GATAD2B: variants seen among roughly 807,000 people sequenced by gnomAD.
The protein encoded by GATAD2B is GATA zinc finger domain containing 2B.
A neutral mutation model predicts 64.3 loss-of-function variants in GATAD2B; 8 were observed. The observed-to-expected ratio is 0.12, with a 90% CI of 0.07 to 0.22. GATAD2B has a LOEUF of 0.22. Ranked by LOEUF, GATAD2B falls within the 10% of genes least tolerant of loss-of-function variation. GATAD2B has a pLI of 1.00. For synonymous variants in GATAD2B, 281 were observed against 271.3 expected, an observed-to-expected ratio of 1.04 and a Z score of -0.35; for missense variants, 453 against 752.0, an observed-to-expected ratio of 0.60 and a Z score of 4.65.
intron 1 of GATAD2B, among the ~76,000 whole-genome samples, chr1:153,916,142 G>A (rs561188353): frequency 1.1e-4 from 17 of 152,008 alleles, no homozygotes; most frequent in African/African-American, 4.1e-4. Context: ...TTATCTGGGT[G>A]TAGTGGCAGA....
At chr1:153,888,759 T>C (rs1300022831) in intron 1 of GATAD2B, among the ~76,000 whole-genome samples, 16 of 152,208 alleles carry the variant, frequency 1.1e-4, no homozygotes, top group Admixed American at 1.0e-3. Context: ...TTACTAAGTA[T>C]CTAAGTGTCT....
intron 1 of GATAD2B, chr1:153,853,252 C>T (rs763083025): frequency 3.7e-5 from 38 of 1,020,930 alleles, no homozygotes; most frequent in Non-Finnish European, 5.7e-5. Context: ...TGATGGTCTT[C>T]ACACCCTTCC....
chr1:153,909,783 C>CAA (rs35951173), intron 1 of GATAD2B, among the ~76,000 whole-genome samples: 190 of 133,526 alleles, frequency 1.4e-3, no homozygotes, highest in South Asian at 5.6e-3. Context: ...ACTAAAAATA[C>CAA]AAAAAAAAAA....
At chr1:153,911,745 A>C (rs965669835) in intron 1 of GATAD2B, among the ~76,000 whole-genome samples, 2 of 147,960 alleles carry the variant, frequency 1.4e-5, no homozygotes, top group Admixed American at 6.7e-5. Flanking sequence ...TCAAAAAAAA[A>C]CAAAAAACAA....
intron 1 of GATAD2B, among the ~76,000 whole-genome samples, chr1:153,872,229 G>C (rs573285389): frequency 1.4e-5 from 2 of 143,282 alleles, no homozygotes; most frequent in Admixed American, 1.5e-4. Context: ...TGAGGCAGGA[G>C]AATCACTTGA....
At chr1:153,839,218 C>A (rs187889359) in intron 1 of GATAD2B, among the ~76,000 whole-genome samples, 2 of 151,812 alleles carry the variant, frequency 1.3e-5, no homozygotes, top group East Asian at 3.9e-4. Context: ...CTGTTGGACT[C>A]CTATAAGAAA....
intron 1 of GATAD2B, among the ~76,000 whole-genome samples, chr1:153,846,817 C>T (rs1336402317): frequency 6.6e-6 from 1 of 151,908 alleles, no homozygotes; most frequent in Non-Finnish European, 1.5e-5. Context: ...CTGCGGCCTC[C>T]CCAAGTGCTG....
intron 1 of GATAD2B, among the ~76,000 whole-genome samples, chr1:153,908,799 A>AAAG (rs1553199473): frequency 1.3e-3 from 198 of 149,564 alleles, no homozygotes; most frequent in African/African-American, 4.7e-3. Context: ...AAAAAAAAAA[A>AAAG]AAAGAAAGAA....
At chr1:153,820,590 A>G (rs1674642906) in intron 2 of GATAD2B, among the ~76,000 whole-genome samples, 1 of 152,104 alleles carries the variant, frequency 6.6e-6, no homozygotes, top group Non-Finnish European at 1.5e-5. Context: ...TTGTCAGCGT[A>G]GTTGGTAGTA....
At chr1:153,881,458 C>T (rs1362750351) in intron 1 of GATAD2B, among the ~76,000 whole-genome samples, 1 of 152,126 alleles carries the variant, frequency 6.6e-6, no homozygotes, top group African/African-American at 2.4e-5. Context: ...AGATCCAAAC[C>T]GAAAGGAGCT....
intron 8 of GATAD2B, 57 bp from the exon 9 acceptor site, chr1:153,812,189 C>CG (rs1674315495): frequency 5.4e-6 from 4 of 741,040 alleles, no homozygotes; most frequent in East Asian, 2.7e-5. Flanking sequence ...TACCCAATTT[C>CG]CTTTTTTTTT....
At chr1:153,861,571 T>C (rs2101920529) in intron 1 of GATAD2B, among the ~76,000 whole-genome samples, 2 of 150,198 alleles carry the variant, frequency 1.3e-5, no homozygotes, top group African/African-American at 2.4e-5. Flanking sequence ...ATCACGAGGT[T>C]AGGAGTTCGA....
rs138613422 is a variant in GATAD2B, at chr1:153,880,793, G to A, written c.-2+41940C>T. Among the ~76,000 whole-genome samples the A allele has an allele frequency of 1.7e-4, 26 of 151,218 alleles. No individual in the cohort carries two copies. The East Asian group carries it at 4.3e-3, about 25-fold the overall frequency. On this transcript the variant is annotated intron_variant, in intron 1 of 10. Transcript: ENST00000368655. ...CAGGAGGTCAAGGTTGCAGTGAGCC[G>A]TGATCACATCACTGCACTCCAGCTT...
Position 153,898,320 on chromosome 1 carries a change from A to G in GATAD2B, c.-2+24413T>C, listed in dbSNP as rs1204629441. Among the ~76,000 whole-genome samples, 6 of 144,248 alleles carry G rather than the reference A, an allele frequency of 4.2e-5. No individual in the cohort carries two copies. In the East Asian group the frequency reaches 7.7e-4, roughly 19 times the overall value. 94.6% of individuals were successfully genotyped at this position (144,248 alleles called of 152,430 possible). A position where few individuals can be genotyped will look rare whatever the true frequency, so the allele number is the denominator to read the frequency against. On this transcript the variant is annotated intron_variant, in intron 1 of 10. Coordinates refer to ENST00000368655, the MANE Select transcript of GATAD2B (RefSeq NM_020699.4). ...ACAGCCTGTCTCAAAAAAAAAAAAA[A>G]AAAGAAAAAAAGAAAAAAGAAAAAC...
At chr1:153,907,691 T>A (rs1455387911) in intron 1 of GATAD2B, among the ~76,000 whole-genome samples, 1 of 151,622 alleles carries the variant, frequency 6.6e-6, no homozygotes, top group Non-Finnish European at 1.5e-5. Context: ...CAGGTTGGGA[T>A]GCAGTGGCGT....
Position 153,807,226 on chromosome 1 carries a change from C to T in GATAD2B, c.*2951G>A, listed in dbSNP as rs949016161. 3 of 152,088 alleles carry T rather than the reference C, an allele frequency of 2.0e-5. No individual in the cohort carries two copies. Among genetic ancestry groups the T allele is most frequent in the African/African-American group, 7.2e-5 (3 of 41,396 alleles). 9.4% of individuals were successfully genotyped at this position (152,088 alleles called of 1,614,324 possible). A position where few individuals can be genotyped will look rare whatever the true frequency, so the allele number is the denominator to read the frequency against. On this transcript the variant is annotated 3_prime_UTR_variant, in exon 11 of 11. Coordinates refer to ENST00000368655, the MANE Select transcript of GATAD2B (RefSeq NM_020699.4). ...GATCCTCACTCTACTAATAATGCTCCAAACAGAGGGTCTTTCCTCCTGTCC... is the reference window on the plus strand; with the variant it reads ...GATCCTCACTCTACTAATAATGCTCTAAACAGAGGGTCTTTCCTCCTGTCC...
At chr1:153,844,592 A>T (rs1675616101) in intron 1 of GATAD2B, among the ~76,000 whole-genome samples, 1 of 152,010 alleles carries the variant, frequency 6.6e-6, no homozygotes. Context: ...ATAAAAAATG[A>T]TGAGTTCATA....
intron 7 of GATAD2B, among the ~76,000 whole-genome samples, chr1:153,815,154 T>C (rs1674423054): frequency 7.8e-6 from 1 of 128,564 alleles, no homozygotes; most frequent in South Asian, 2.5e-4. Context: ...ATACCAGTGG[T>C]CCCAGTTACT....
intron 2 of GATAD2B, among the ~76,000 whole-genome samples, chr1:153,825,222 G>A (rs1674829071): frequency 6.6e-6 from 1 of 152,220 alleles, no homozygotes; most frequent in Admixed American, 6.5e-5. Context: ...AGAAGGGTAA[G>A]AGAGATTATA....
Sources: gnomAD v4.1 joint callset for allele counts (sites outside exome capture counted in the v4.1 genomes callset) on GRCh38, gnomAD v4.1.1 for gene constraint, MANE v1.5 for transcripts, NCBI Gene and HGNC (gene_info 2026-07-23, HGNC 2026-07-21) for gene names.